Variants in CTNNAL1 observed in about 807,000 individuals in gnomAD.
CTNNAL1 encodes the protein catenin alpha like 1.
In CTNNAL1, 69 loss-of-function variants were observed where a neutral mutation model predicts 93.6. The observed-to-expected ratio is 0.74, with a 90% CI of 0.61 to 0.90. CTNNAL1 has a LOEUF of 0.90. Ranked by LOEUF, CTNNAL1 falls within the 40% of genes least tolerant of loss-of-function variation. The probability of loss-of-function intolerance (pLI) is 0.00; values close to 1 mark genes in which losing one functional copy is unlikely to be tolerated. For synonymous variants in CTNNAL1, 286 were observed against 305.4 expected, an observed-to-expected ratio of 0.94 and a Z score of 0.66; for missense variants, 836 against 862.0, an observed-to-expected ratio of 0.97 and a Z score of 0.38.
At chr9:108,983,034 C>A in intron 6 of CTNNAL1, 111 bp downstream of exon 6, 1 of 1,009,614 alleles carries the variant, frequency 9.9e-7, no homozygotes, top group East Asian at 3.9e-5. Context: ...GCCGAGATCA[C>A]ACCACTGCAC....
intron 9 of CTNNAL1, among the ~76,000 whole-genome samples, chr9:108,972,222 C>A (rs1831133071): frequency 6.6e-6 from 1 of 152,122 alleles, no homozygotes; most frequent in Admixed American, 6.5e-5. Flanking sequence ...GTGGTACCAG[C>A]CTTGCTACCA....
chr9:108,954,423 C>T (rs1369828226), intron 12 of CTNNAL1, among the ~76,000 whole-genome samples: 1 of 152,188 alleles, frequency 6.6e-6, no homozygotes, highest in Non-Finnish European at 1.5e-5. Context: ...TTCCATTCAA[C>T]CTGTTAAAAG....
intron 8 of CTNNAL1, 31 bp from the exon 9 acceptor site, chr9:108,972,864 G>GGGGGGGGGGGGAA: frequency 7.0e-6 from 1 of 142,590 alleles, no homozygotes. Flanking sequence ...GGGGGGGTGG[G>GGGGGGGGGGGGAA]AGGGTGGAGA....
intron 5 of CTNNAL1, among the ~76,000 whole-genome samples, chr9:108,983,685 CT>C (rs1056828079): frequency 6.6e-6 from 1 of 152,080 alleles, no homozygotes; most frequent in Admixed American, 6.5e-5. Context: ...TGCATCTTGA[CT>C]TTTAAAAAAT....
Position 109,013,192 on chromosome 9 carries a change from G to A in CTNNAL1, c.141+110C>T. The A allele has an allele frequency of 7.7e-6, 10 of 1,302,092 alleles. No individual in the cohort carries two copies. In the South Asian group the frequency reaches 1.4e-4, roughly 19 times the overall value. 80.7% of individuals were successfully genotyped at this position (1,302,092 alleles called of 1,614,324 possible). The stretch of plus-strand genomic sequence containing the variant: ...GGTCCGACAAGAACGCCGCAGTGCC[G>A]GCGCGGAAAGTGGGGCAGCGGCTGC... On this transcript the variant is annotated intron_variant, in intron 1 of 18. Coordinates refer to ENST00000325551, the MANE Select transcript of CTNNAL1 (RefSeq NM_003798.4).
Position 108,944,010 on chromosome 9 carries a change from A to C in CTNNAL1, c.1893T>G (p.Ala631=). Reference sequence around the variant, plus strand: ...TGGAAGTAAGCTTTAAACCCTCTGCAGCAAAAACCTGGTAGAAAGAGAAAA... The same window carrying C: ...TGGAAGTAAGCTTTAAACCCTCTGCCGCAAAAACCTGGTAGAAAGAGAAAA... ...QDLIHQLEVF[A]AEGLKLTSSV... The change falls in exon 16 of 19, where the codon GCT becomes GCG. Residue 631 remains alanine (A), a synonymous_variant. Transcript: ENST00000325551. The C allele has an allele frequency of 6.2e-7, 1 of 1,613,730 alleles. No individual in the cohort carries two copies. The highest frequency in any genetic ancestry group is 8.5e-7 in the Non-Finnish European group (1 of 1,179,828).
rs568780200 is a variant in CTNNAL1, at chr9:108,955,935, T to C, written c.1592-108A>G. Reference sequence around the variant, plus strand: ...TTAAACAAACAGGAATGTTAGTACATTAGTTTTGATAACAGTCTATTCATT... The same window carrying C: ...TTAAACAAACAGGAATGTTAGTACACTAGTTTTGATAACAGTCTATTCATT... On this transcript the variant is annotated intron_variant, in intron 11 of 18. Coordinates refer to ENST00000325551, the MANE Select transcript of CTNNAL1 (RefSeq NM_003798.4). The C allele has an allele frequency of 3.1e-5, 20 of 653,190 alleles. No homozygotes were observed. The South Asian group carries it at 5.1e-4, about 17-fold the overall frequency. 40.5% of individuals were successfully genotyped at this position (653,190 alleles called of 1,614,324 possible).
intron 8 of CTNNAL1, among the ~76,000 whole-genome samples, chr9:108,975,000 T>TA (rs1263348480): frequency 5.3e-5 from 8 of 151,564 alleles, no homozygotes; most frequent in Admixed American, 2.6e-4. Context: ...CCATCTCTAC[T>TA]AAAAATACAA....
At chr9:108,954,970 T>TA (rs975539680) in intron 12 of CTNNAL1, among the ~76,000 whole-genome samples, 5 of 63,546 alleles carry the variant, frequency 7.9e-5, no homozygotes, top group Admixed American at 4.0e-4. Flanking sequence ...GTAATTTTAT[T>TA]TTTTTTTTTT....
intron 8 of CTNNAL1, 31 bp from the exon 9 acceptor site, chr9:108,972,864 G>GTCCCC: frequency 1.4e-5 from 2 of 142,588 alleles, no homozygotes; most frequent in Non-Finnish European, 2.0e-5. Context: ...GGGGGGGTGG[G>GTCCCC]AGGGTGGAGA....
At chr9:108,971,041 T>A (rs1831102198) in intron 9 of CTNNAL1, among the ~76,000 whole-genome samples, 1 of 152,114 alleles carries the variant, frequency 6.6e-6, no homozygotes, top group Admixed American at 6.5e-5. Context: ...TTTTTTTCAA[T>A]GTTAAAAAGA....
chr9:108,983,457 T>C (rs752882380), intron 5 of CTNNAL1, 142 bp from the exon 6 acceptor site: 5 of 955,976 alleles, frequency 5.2e-6, no homozygotes, highest in Non-Finnish European at 6.9e-6. Flanking sequence ...CTGCTTCTCC[T>C]CACTAAAGTG....
chr9:108,981,352 G>T (rs1185172279), intron 6 of CTNNAL1, among the ~76,000 whole-genome samples: 1 of 152,066 alleles, frequency 6.6e-6, no homozygotes, highest in African/African-American at 2.4e-5. Flanking sequence ...CTCAGTGGTA[G>T]GACTGGCATC....
chr9:109,007,948 A>AT (rs1483316602), intron 1 of CTNNAL1, among the ~76,000 whole-genome samples: 3 of 151,388 alleles, frequency 2.0e-5, no homozygotes, highest in Non-Finnish European at 1.5e-5. Context: ...TTGAACCTTT[A>AT]TTTTTTTTCA....
intron 2 of CTNNAL1, 118 bp downstream of exon 2, chr9:108,998,949 C>T (rs4978381): frequency 0.076 from 93,993 of 1,243,426 alleles, 4,028 homozygotes; most frequent in Admixed American, 0.15. Flanking sequence ...CCTTTAATGT[C>T]TGAGGCAGAC....
intron 1 of CTNNAL1, among the ~76,000 whole-genome samples, chr9:109,002,908 G>A (rs913094341): frequency 6.6e-5 from 10 of 151,936 alleles, no homozygotes; most frequent in African/African-American, 1.7e-4. Flanking sequence ...CAAGAGAATC[G>A]CTTGAATCTG....
At position 108,992,734 on chromosome 9, in the gene CTNNAL1, T is replaced by G. The variant is rs148455751; in HGVS notation, c.417A>C (p.Thr139=). Residue 139 remains threonine (T), a synonymous_variant, in exon 3 of 19, where the codon ACA becomes ACC. Coordinates refer to ENST00000325551, the MANE Select transcript of CTNNAL1 (RefSeq NM_003798.4). The part of the protein sequence containing the change: ...DGQITIFTDK[T]GVIKAARLLL... The stretch of plus-strand genomic sequence containing the variant: ...GTAATCTTGCAGCCTTTATCACTCC[T>G]GTTTTGTCTGTAAAAATTGTGATCT... The G allele has an allele frequency of 6.9e-4, 1,121 of 1,613,946 alleles. 2 individuals are homozygous for G. The highest frequency in any genetic ancestry group is 8.9e-4 in the Non-Finnish European group (1,056 of 1,179,982).
rs1010224732 is a variant in CTNNAL1 at position 109,004,814 on chromosome 9, TAAG to T, written c.142-5561_142-5559del. On this transcript the variant is annotated intron_variant, in intron 1 of 18. Coordinates refer to ENST00000325551, the MANE Select transcript of CTNNAL1 (RefSeq NM_003798.4). ...AAAAATAAATAAATAAATAAATAAA[TAAG>T]AAGAGTTAATAAAATAATGAAAGCA... Among the ~76,000 whole-genome samples the T allele has an allele frequency of 1.2e-3, 181 of 151,874 alleles. 1 individual carries two copies. The highest frequency in any genetic ancestry group is 2.5e-4 in the Non-Finnish European group (17 of 67,954).
chr9:108,958,848 CCTGAGTAG>C, intron 11 of CTNNAL1, among the ~76,000 whole-genome samples: 1 of 151,750 alleles, frequency 6.6e-6, no homozygotes, highest in Non-Finnish European at 1.5e-5. Flanking sequence ...GCCTCAGCCT[CCTGAGTAG>C]CTGAGTAGCT....
Sources: allele counts gnomAD v4.1 joint callset (sites outside exome capture counted in the v4.1 genomes callset), GRCh38; gene constraint gnomAD v4.1.1; transcripts MANE v1.5; gene names NCBI Gene and HGNC (gene_info 2026-07-23, HGNC 2026-07-21).